CAMK1D: variants seen among roughly 807,000 people sequenced by gnomAD.
The protein encoded by CAMK1D is calcium/calmodulin dependent protein kinase ID, also known as calcium/calmodulin-dependent protein kinase type 1D.
In CAMK1D, 9 loss-of-function variants were observed where a neutral mutation model predicts 47.7. The ratio of observed to expected loss-of-function variants is 0.19; its 90% CI spans 0.11 to 0.33. CAMK1D has a LOEUF of 0.33. CAMK1D is among the 10% of genes least tolerant of loss of function. The pLI is 1.00. For synonymous variants in CAMK1D, 184 were observed against 184.9 expected (o/e 0.99, Z 0.04); for missense variants, 291 against 488.7 (o/e 0.60, Z 3.81).
At chr10:12,772,756 G>A (rs1163371192) in intron 5 of CAMK1D, among the ~76,000 whole-genome samples, 1 of 152,170 alleles carries the variant, frequency 6.6e-6, no homozygotes, top group Non-Finnish European at 1.5e-5. Flanking sequence ...AGGAGGCTGG[G>A]GGAGAGGAGG....
At chr10:12,575,033 AC>A (rs1408055257) in intron 2 of CAMK1D, among the ~76,000 whole-genome samples, 1 of 152,046 alleles carries the variant, frequency 6.6e-6, no homozygotes, top group African/African-American at 2.4e-5. Context: ...CCACAATCCA[AC>A]ATGAGATTTG....
At chr10:12,571,432 T>G (rs1588646000) in intron 2 of CAMK1D, among the ~76,000 whole-genome samples, 1 of 117,616 alleles carries the variant, frequency 8.5e-6, no homozygotes, top group African/African-American at 3.4e-5. Flanking sequence ...GCAGTCTGGG[T>G]GACAGAGGGA....
intron 1 of CAMK1D, among the ~76,000 whole-genome samples, chr10:12,541,309 C>T (rs745487637): frequency 1.3e-5 from 2 of 152,076 alleles, no homozygotes; most frequent in African/African-American, 4.8e-5. Context: ...TGGAGAGTTG[C>T]GTACACATTG....
At chr10:12,722,333 CT>C (rs1834423683) in intron 3 of CAMK1D, among the ~76,000 whole-genome samples, 1 of 150,996 alleles carries the variant, frequency 6.6e-6, no homozygotes, top group Non-Finnish European at 1.5e-5. Flanking sequence ...GTAGTCCCAG[CT>C]ACTAGGGAGG....
chr10:12,496,971 T>G (rs576371031), intron 1 of CAMK1D, among the ~76,000 whole-genome samples: 1 of 152,176 alleles, frequency 6.6e-6, no homozygotes, highest in Admixed American at 6.5e-5. Context: ...CTCCCACTTA[T>G]AAGTGAGAAC....
intron 1 of CAMK1D, among the ~76,000 whole-genome samples, chr10:12,354,431 CT>C (rs1011144147): frequency 2.1e-3 from 294 of 142,822 alleles, no homozygotes; most frequent in Admixed American, 2.3e-3. Context: ...CTTTTCTTTT[CT>C]TTTTTTTTTT....
chr10:12,428,176 C>T (rs1218610867), intron 1 of CAMK1D, among the ~76,000 whole-genome samples: 4 of 152,076 alleles, frequency 2.6e-5, no homozygotes, highest in African/African-American at 7.2e-5. Flanking sequence ...TCCCCTATCC[C>T]GCCATCCCCT....
Position 12,384,123 on chromosome 10 carries a change from A to G in CAMK1D, c.92+34213A>G, listed in dbSNP as rs550579926. On this transcript the variant is annotated intron_variant, in intron 1 of 10. Coordinates refer to ENST00000619168, the MANE Select transcript of CAMK1D (RefSeq NM_153498.4). ...GTTTATAATATCATCAATAAGAATA[A>G]GATATTTAGGAGTAAATTTGACTGA... 6.6e-5 allele frequency among the ~76,000 whole-genome samples: 10 copies of G among 152,348 alleles called. No individual in the cohort carries two copies. In the South Asian group the frequency reaches 2.1e-3, roughly 32 times the overall value.
intron 1 of CAMK1D, among the ~76,000 whole-genome samples, chr10:12,425,439 G>T (rs889653450): frequency 1.3e-5 from 2 of 151,894 alleles, no homozygotes; most frequent in South Asian, 4.2e-4. Flanking sequence ...GTGCCACCAC[G>T]CCCAGCTAAT....
At chr10:12,392,018 A>AC (rs1383103500) in intron 1 of CAMK1D, among the ~76,000 whole-genome samples, 11 of 95,798 alleles carry the variant, frequency 1.1e-4, no homozygotes, top group African/African-American at 4.0e-4. Context: ...CACACACACA[A>AC]ACAGTCTGGG....
intron 1 of CAMK1D, among the ~76,000 whole-genome samples, chr10:12,523,229 C>T (rs1318161233): frequency 2.6e-5 from 4 of 150,974 alleles, no homozygotes; most frequent in South Asian, 2.1e-4. Flanking sequence ...AGATGATGGG[C>T]GGCCGGGAAG....
In CAMK1D at chr10:12,828,945, C is replaced by T; in HGVS notation, c.*58C>T. On this transcript the variant is annotated 3_prime_UTR_variant, in exon 11 of 11. Transcript: ENST00000619168. ...TGGGGAAGGGGAGCCCCAGGGTCGC[C>T]AGAGCCGCGAGCCACTCCAGCGAGA... 2 of 1,314,848 alleles carry T rather than the reference C, an allele frequency of 1.5e-6. No individual in the cohort carries two copies. The highest frequency in any genetic ancestry group is 2.1e-6 in the Non-Finnish European group (2 of 972,572). The allele number at this position is 1,314,848 out of a possible 1,614,324, so 81.4% of individuals were successfully genotyped here.
intron 1 of CAMK1D, among the ~76,000 whole-genome samples, chr10:12,403,186 C>G (rs141534161): frequency 6.6e-6 from 1 of 152,342 alleles, no homozygotes; most frequent in East Asian, 1.9e-4. Flanking sequence ...ACGTTGGACA[C>G]GTGAAGCCAG....
chr10:12,731,491 G>A (rs541958628), intron 3 of CAMK1D, among the ~76,000 whole-genome samples: 2 of 152,330 alleles, frequency 1.3e-5, no homozygotes, highest in South Asian at 2.1e-4. Flanking sequence ...AGCATGATCG[G>A]GAGTTTAAAG....
At chr10:12,528,526 A>C (rs893520288) in intron 1 of CAMK1D, among the ~76,000 whole-genome samples, 30 of 152,194 alleles carry the variant, frequency 2.0e-4, no homozygotes, top group African/African-American at 7.2e-4. Flanking sequence ...GTACATTTAC[A>C]AACGTACCCA....
At chr10:12,528,391 A>G (rs1374650700) in intron 1 of CAMK1D, among the ~76,000 whole-genome samples, 2 of 152,358 alleles carry the variant, frequency 1.3e-5, no homozygotes, top group Non-Finnish European at 1.5e-5. Flanking sequence ...AGTCAGAATT[A>G]TATTCATTCT....
At chr10:12,520,947 AGGGGGAGGGGGAGGGGGAGG>A (rs1835394887) in intron 1 of CAMK1D, among the ~76,000 whole-genome samples, 1 of 69,324 alleles carries the variant, frequency 1.4e-5, no homozygotes, top group African/African-American at 5.8e-5. Context: ...AGGGAGAGGG[AGGGGGAGGGGGAGGGGGAGG>A]GGGAGAGCTT....
intron 1 of CAMK1D, among the ~76,000 whole-genome samples, chr10:12,450,941 C>T (rs1302754155): frequency 2.0e-5 from 3 of 152,148 alleles, no homozygotes; most frequent in African/African-American, 4.8e-5. Context: ...GCATGTCCTG[C>T]GCCTCATGCA....
chr10:12,374,936 C>G (rs1031864819), intron 1 of CAMK1D, among the ~76,000 whole-genome samples: 1 of 126,652 alleles, frequency 7.9e-6, no homozygotes. Flanking sequence ...GGGTAAGACT[C>G]CGTCTCAAAA....
Sources: allele counts gnomAD v4.1 joint callset (sites outside exome capture counted in the v4.1 genomes callset), GRCh38; gene constraint gnomAD v4.1.1; transcripts MANE v1.5; gene names NCBI Gene and HGNC (gene_info 2026-07-23, HGNC 2026-07-21).